The following VPS53 variants were observed in gnomAD, a reference collection of about 807,000 sequenced individuals.
VPS53 encodes VPS53 subunit of GARP complex, also known as vacuolar protein sorting-associated protein 53 homolog.
VPS53 carries 70 observed loss-of-function variants against 107.0 expected under a neutral mutation model. The observed-to-expected ratio is 0.65, with a 90% CI of 0.54 to 0.80. The LOEUF is 0.80. Ranked by LOEUF, VPS53 falls within the 30% of genes least tolerant of loss-of-function variation. The pLI is 0.00. For missense variants in VPS53, 917 were observed against 1,049.4 expected, an observed-to-expected ratio of 0.87 and a Z score of 1.74; for synonymous variants, 409 against 393.3, an observed-to-expected ratio of 1.04 and a Z score of -0.47.
intron 13 of VPS53, among the ~76,000 whole-genome samples, chr17:573,874 A>G (rs1052871815): frequency 2.0e-5 from 3 of 152,174 alleles, no homozygotes; most frequent in African/African-American, 7.2e-5. Context: ...CAAAAGTAGT[A>G]ATGTGCACAA....
chr17:695,634 C>G (rs945676787), intron 4 of VPS53, among the ~76,000 whole-genome samples: 1 of 152,078 alleles, frequency 6.6e-6, no homozygotes, highest in Non-Finnish European at 1.5e-5. Flanking sequence ...ACTGCAGCCT[C>G]GAACTTCCTG....
intron 15 of VPS53, among the ~76,000 whole-genome samples, chr17:554,317 A>G (rs575852856): frequency 6.6e-6 from 1 of 152,362 alleles, no homozygotes; most frequent in South Asian, 2.1e-4. Flanking sequence ...TAACGGGACC[A>G]AGACTTGTAA....
intron 2 of VPS53, among the ~76,000 whole-genome samples, chr17:702,670 A>C (rs529181860): frequency 6.6e-6 from 1 of 151,784 alleles, no homozygotes; most frequent in South Asian, 2.1e-4. Flanking sequence ...TGTCTCAATA[A>C]ATAAATAAAT....
At chr17:525,820 A>T (rs1909087651) in intron 19 of VPS53, among the ~76,000 whole-genome samples, 2 of 151,952 alleles carry the variant, frequency 1.3e-5, no homozygotes, top group Non-Finnish European at 2.9e-5. Flanking sequence ...CAACATGGTG[A>T]GACCCCATCT....
At chr17:575,281 A>G (rs1914499894) in intron 13 of VPS53, among the ~76,000 whole-genome samples, 2 of 152,234 alleles carry the variant, frequency 1.3e-5, no homozygotes. Context: ...TGAAGTTTCT[A>G]ATTGAAACAT....
At chr17:537,249 G>C (rs764804261) in intron 17 of VPS53, 73 bp from the exon 18 acceptor site, 1 of 1,539,164 alleles carries the variant, frequency 6.5e-7, no homozygotes, top group Non-Finnish European at 8.8e-7. Flanking sequence ...GGGAAGGGAG[G>C]GGCTGGAGTG....
chr17:623,993 T>A (rs1418845120), intron 10 of VPS53, among the ~76,000 whole-genome samples: 2 of 151,746 alleles, frequency 1.3e-5, no homozygotes, highest in Non-Finnish European at 2.9e-5. Context: ...GGCTGGAACC[T>A]CCACCTCCTG....
intron 4 of VPS53, among the ~76,000 whole-genome samples, chr17:667,140 A>C (rs529612330): frequency 1.3e-5 from 2 of 152,298 alleles, no homozygotes; most frequent in East Asian, 3.9e-4. Context: ...ACCGAAACTC[A>C]TTAATAATAC....
intron 15 of VPS53, 66 bp from the exon 16 acceptor site, chr17:553,528 T>C (rs1912058973): frequency 1.6e-6 from 2 of 1,231,532 alleles, no homozygotes; most frequent in Admixed American, 3.7e-5. Context: ...ATCACAATAA[T>C]AGTTAACATT....
At chr17:658,095 C>T (rs1468490791) in intron 5 of VPS53, among the ~76,000 whole-genome samples, 4 of 86,374 alleles carry the variant, frequency 4.6e-5, no homozygotes, top group Non-Finnish European at 6.9e-5. Flanking sequence ...GTGAGATACT[C>T]GGCCGTGAGT....
Position 562,673 on chromosome 17 carries a change from A to C in VPS53, c.1386T>G (p.Asp462Glu). The change falls in exon 14 of 22, where the codon GAT becomes GAG. Residue 462 changes from aspartate (D) to glutamate (E), a missense_variant. Coordinates refer to ENST00000437048, the MANE Select transcript of VPS53 (RefSeq NM_001128159.3). Reference protein sequence around the residue: ...KAQGPPKPNTDEGGAVLPSCA... With the variant: ...KAQGPPKPNTEEGGAVLPSCA... ...AGCTGGGGAGCACGGCACCCCCTTC[A>C]TCAGTGTTGGGCTTAGGTGGCCCCT... 1 of 1,613,610 alleles carries C rather than the reference A, an allele frequency of 6.2e-7. No homozygotes were observed. Among genetic ancestry groups the C allele is most frequent in the Non-Finnish European group, 8.5e-7 (1 of 1,179,896 alleles).
At chr17:708,093 C>T (rs999559855) in intron 2 of VPS53, among the ~76,000 whole-genome samples, 5 of 152,164 alleles carry the variant, frequency 3.3e-5, no homozygotes, top group African/African-American at 1.2e-4. Flanking sequence ...TGGGTTTTCT[C>T]TTCGTGTGCG....
intron 4 of VPS53, among the ~76,000 whole-genome samples, chr17:669,592 T>TAAAAAAAAAAAAAAAAAAAAAAAAAAA (rs200157618): frequency 4.5e-5 from 5 of 110,270 alleles, no homozygotes; most frequent in African/African-American, 6.6e-5. Flanking sequence ...TACTCTGTCT[T>TAAAAAAAAAAAAAAAAAAAAAAAAAAA]AAAAAAAAAA....
chr17:704,052 A>G (rs1973311331), intron 2 of VPS53, among the ~76,000 whole-genome samples: 1 of 152,074 alleles, frequency 6.6e-6, no homozygotes, highest in Admixed American at 6.5e-5. Flanking sequence ...CTTTAGAAAC[A>G]TCCCCATATA....
At position 555,406 on chromosome 17, in the gene VPS53, C is replaced by T. The variant is rs1912239652; in HGVS notation, c.1705-1944G>A. Among the ~76,000 whole-genome samples, 4 of 152,202 alleles carry T rather than the reference C, an allele frequency of 2.6e-5. No homozygotes were observed. The South Asian group carries it at 6.2e-4, about 24-fold the overall frequency. ...TCCTCACTTTTTGGCCACATGTTGG[C>T]CATGCTGGTCTCAAACTCCTGACCT... is the stretch of plus-strand genomic sequence containing the variant. On this transcript the variant is annotated intron_variant, in intron 15 of 21. Transcript: ENST00000437048.
chr17:667,739 G>A (rs1971757378), intron 4 of VPS53, among the ~76,000 whole-genome samples: 1 of 151,838 alleles, frequency 6.6e-6, no homozygotes, highest in Non-Finnish European at 1.5e-5. Context: ...GGGACCCCAA[G>A]CCCTGGGCCG....
intron 2 of VPS53, among the ~76,000 whole-genome samples, chr17:707,243 C>T (rs544395820): frequency 2.0e-5 from 3 of 152,060 alleles, no homozygotes; most frequent in Admixed American, 1.3e-4. Context: ...CTCTGTGGGT[C>T]GGGCGCGGTG....
chr17:589,094 TTTTTTTCTTCTTTTG>T (rs1967496447), intron 12 of VPS53, among the ~76,000 whole-genome samples: 1 of 151,886 alleles, frequency 6.6e-6, no homozygotes, highest in Admixed American at 6.6e-5. Context: ...TTTTATTTAA[TTTTTTTCTTCTTTTG>T]AAGAAAATAT....
intron 7 of VPS53, among the ~76,000 whole-genome samples, chr17:636,677 T>C (rs1291921218): frequency 6.6e-6 from 1 of 152,244 alleles, no homozygotes; most frequent in African/African-American, 2.4e-5. Flanking sequence ...GAGATAATCA[T>C]GTGGTTTTTG....
Sources: gnomAD v4.1 joint callset for allele counts (sites outside exome capture counted in the v4.1 genomes callset) on GRCh38, gnomAD v4.1.1 for gene constraint, MANE v1.5 for transcripts, NCBI Gene and HGNC (gene_info 2026-07-23, HGNC 2026-07-21) for gene names.